The following WWOX variants were observed in gnomAD, a reference collection of about 807,000 sequenced individuals.
The protein encoded by WWOX is WW domain-containing oxidoreductase.
A neutral mutation model predicts 46.2 loss-of-function variants in WWOX; 69 were observed. The ratio of observed to expected loss-of-function variants is 1.49; its 90% CI spans 1.23 to 1.82. WWOX has a LOEUF of 1.82. Among genes scored for constraint, WWOX ranks in the 40% most tolerant of loss-of-function variants. The pLI is 0.00. For missense variants in WWOX, 919 were observed against 542.6 expected, an observed-to-expected ratio of 1.69 and a Z score of -6.89; for synonymous variants, 359 against 202.6, an observed-to-expected ratio of 1.77 and a Z score of -6.56.
At chr16:79,151,056 C>G (rs1187102891) in intron 8 of WWOX, among the ~76,000 whole-genome samples, 2 of 152,096 alleles carry the variant, frequency 1.3e-5, no homozygotes, top group East Asian at 1.9e-4. Context: ...CAGTGCAACT[C>G]TGCTATTGGC....
intron 8 of WWOX, among the ~76,000 whole-genome samples, chr16:79,032,165 G>C (rs968422159): frequency 3.5e-5 from 5 of 144,486 alleles, no homozygotes; most frequent in Non-Finnish European, 6.0e-5. Context: ...TATAAAAACT[G>C]TTTTCCTTTG....
At chr16:79,185,507 C>CA (rs938868243) in intron 8 of WWOX, among the ~76,000 whole-genome samples, 1 of 151,692 alleles carries the variant, frequency 6.6e-6, no homozygotes, top group African/African-American at 2.4e-5. Flanking sequence ...ACCTCCTGCC[C>CA]CCTGGCCAGC....
chr16:79,112,701 C>T (rs2049440214), intron 8 of WWOX, among the ~76,000 whole-genome samples: 2 of 152,174 alleles, frequency 1.3e-5, no homozygotes, highest in African/African-American at 4.8e-5. Flanking sequence ...TTAATTTATT[C>T]ATAGTCGTAA....
chr16:78,996,477 T>A, intron 8 of WWOX: 1 of 242,340 alleles, frequency 4.1e-6, no homozygotes, highest in Non-Finnish European at 6.6e-6. Context: ...GACCCATGGG[T>A]ATGCATTCAT....
intron 8 of WWOX, among the ~76,000 whole-genome samples, chr16:78,453,517 C>T (rs1167336849): frequency 6.6e-6 from 1 of 152,074 alleles, no homozygotes; most frequent in African/African-American, 2.4e-5. Flanking sequence ...CGCTTGTAGA[C>T]AGTAAGGACT....
rs944909658 is a variant in WWOX at position 78,547,174 on chromosome 16, G to A, written c.1056+114422G>A. 3.3e-4 allele frequency among the ~76,000 whole-genome samples: 48 copies of A among 144,528 alleles called. 1 individual carries two copies. Among genetic ancestry groups the A allele is most frequent in the African/African-American group, 1.2e-3 (47 of 38,044 alleles). The allele number at this position is 144,528 out of a possible 152,430, so 94.8% of individuals were successfully genotyped here. On this transcript the variant is annotated intron_variant, in intron 8 of 8. Transcript: ENST00000566780. ...AAAAAAAAAAACAACTACCAGGCCTGTTGGAATGTCTGCCAGTTTCAACCC... is the reference window on the plus strand; with the variant it reads ...AAAAAAAAAAACAACTACCAGGCCTATTGGAATGTCTGCCAGTTTCAACCC...
At chr16:78,639,678 C>G (rs894334872) in intron 8 of WWOX, among the ~76,000 whole-genome samples, 1 of 152,028 alleles carries the variant, frequency 6.6e-6, no homozygotes, top group African/African-American at 2.4e-5. Context: ...ATTTTCCTGC[C>G]TCAGCCTCTG....
rs564430402 is a variant in WWOX, at chr16:78,123,268, A to G, written c.409+8114A>G. The G allele has an allele frequency of 3.9e-5, 6 of 151,998 alleles. No individual in the cohort carries two copies. In the East Asian group the frequency reaches 1.2e-3, roughly 30 times the overall value. 9.4% of individuals were successfully genotyped at this position (151,998 alleles called of 1,614,324 possible). A position where few individuals can be genotyped will look rare whatever the true frequency, so the allele number is the denominator to read the frequency against. On this transcript the variant is annotated intron_variant, in intron 4 of 8. Coordinates refer to ENST00000566780, the MANE Select transcript of WWOX (RefSeq NM_016373.4). ...AGGGAGCAGCCTGTTCTGCCAAATC[A>G]CACAAGGGCATGTGTTTTCATGACA... is the stretch of plus-strand genomic sequence containing the variant.
At chr16:78,746,672 T>TA (rs1483649287) in intron 8 of WWOX, among the ~76,000 whole-genome samples, 2 of 152,056 alleles carry the variant, frequency 1.3e-5, no homozygotes, top group Non-Finnish European at 2.9e-5. Context: ...ATTGGCTTTG[T>TA]ACTCCTGCAT....
At chr16:78,927,045 C>G (rs1458602257) in intron 8 of WWOX, among the ~76,000 whole-genome samples, 1 of 152,202 alleles carries the variant, frequency 6.6e-6, no homozygotes, top group African/African-American at 2.4e-5. Context: ...ATCCACCCGC[C>G]TTGGCCTCCC....
intron 8 of WWOX, among the ~76,000 whole-genome samples, chr16:78,662,139 G>A (rs543527820): frequency 6.6e-6 from 1 of 152,294 alleles, no homozygotes; most frequent in Admixed American, 6.5e-5. Flanking sequence ...CAGTAAGCTA[G>A]GATTAAGTGC....
At chr16:78,206,789 C>T (rs1442312276) in intron 5 of WWOX, among the ~76,000 whole-genome samples, 2 of 152,108 alleles carry the variant, frequency 1.3e-5, no homozygotes, top group Non-Finnish European at 2.9e-5. Context: ...ATTAGTCAGA[C>T]AACTGCAATA....
chr16:78,598,110 A>G (rs2045533620), intron 8 of WWOX, among the ~76,000 whole-genome samples: 1 of 152,318 alleles, frequency 6.6e-6, no homozygotes, highest in East Asian at 1.9e-4. Context: ...TCAAAGACCA[A>G]TGTTTAGGGA....
intron 8 of WWOX, among the ~76,000 whole-genome samples, chr16:79,125,917 C>A (rs2049743576): frequency 6.6e-6 from 1 of 152,196 alleles, no homozygotes; most frequent in Non-Finnish European, 1.5e-5. Context: ...TCTGTCTTCT[C>A]CAGGAGACTG....
chr16:78,788,498 A>G (rs1175680871), intron 8 of WWOX, among the ~76,000 whole-genome samples: 1 of 152,188 alleles, frequency 6.6e-6, no homozygotes, highest in East Asian at 1.9e-4. Flanking sequence ...TGAAGCTCCC[A>G]TAAAAACCCA....
At chr16:78,869,725 G>A (rs539747673) in intron 8 of WWOX, among the ~76,000 whole-genome samples, 8 of 152,342 alleles carry the variant, frequency 5.3e-5, no homozygotes, top group Admixed American at 3.3e-4. Flanking sequence ...GAGCTGCTGA[G>A]TTGTAGATTT....
rs542505128 is a variant in WWOX, at chr16:78,674,466, G to C, written c.1056+241714G>C. Among the ~76,000 whole-genome samples the C allele has an allele frequency of 3.3e-5, 5 of 152,030 alleles. No individual in the cohort carries two copies. In the East Asian group the frequency reaches 9.7e-4, roughly 30 times the overall value. ...TGCCCAGCTAATTTTTGTATTTTTA[G>C]TAGAGATGGGGTTTCACCATGTTAG... On this transcript the variant is annotated intron_variant, in intron 8 of 8. Coordinates refer to ENST00000566780, the MANE Select transcript of WWOX (RefSeq NM_016373.4).
intron 8 of WWOX, among the ~76,000 whole-genome samples, chr16:78,615,147 C>G (rs561576563): frequency 5.6e-4 from 86 of 152,290 alleles, no homozygotes; most frequent in Middle Eastern, 3.4e-3. Context: ...AATTAAAATA[C>G]TCACATTCCC....
At chr16:78,469,597 T>TA (rs2084172115) in intron 8 of WWOX, among the ~76,000 whole-genome samples, 1 of 152,090 alleles carries the variant, frequency 6.6e-6, no homozygotes, top group Non-Finnish European at 1.5e-5. Flanking sequence ...TAAGAGATGT[T>TA]AAAAAAACAA....
Sources: gnomAD v4.1 joint callset for allele counts (sites outside exome capture counted in the v4.1 genomes callset) on GRCh38, gnomAD v4.1.1 for gene constraint, MANE v1.5 for transcripts, NCBI Gene and HGNC (gene_info 2026-07-23, HGNC 2026-07-21) for gene names.